Variants in ZNF236 observed in about 807,000 individuals in gnomAD.
The protein encoded by ZNF236 is zinc finger protein 236, also known as regulated by glucose.
Under a neutral mutation model 191.2 loss-of-function variants are expected in ZNF236, and 50 were observed. The observed-to-expected ratio is 0.26, with a 90% CI of 0.21 to 0.33. The LOEUF (loss-of-function observed/expected upper bound fraction) is 0.33, where lower values mean the gene tolerates loss of function less well. ZNF236 is among the 10% of genes least tolerant of loss of function. The pLI is 1.00. For synonymous variants in ZNF236, 907 were observed against 928.8 expected, an observed-to-expected ratio of 0.98 and a Z score of 0.43; for missense variants, 1,754 against 2,374.5, an observed-to-expected ratio of 0.74 and a Z score of 5.43.
Position 76,927,823 on chromosome 18 carries a change from T to G in ZNF236, c.4415-104T>G, listed in dbSNP as rs1048714461. ...TGCTTTGTTTTAAATCTTTGTCTTA[T>G]TGAAATATGTAATAACAGTTTAATT... On this transcript the variant is annotated intron_variant, in intron 24 of 30. Coordinates refer to ENST00000320610, the MANE Select transcript of ZNF236 (RefSeq NM_001306089.2). The surrounding 1 kb of genome is among the most constrained non-coding windows in gnomAD (Gnocchi z 5.4). The G allele has an allele frequency of 1.1e-6, 1 of 932,346 alleles. No individual in the cohort carries two copies. Among genetic ancestry groups the G allele is most frequent in the African/African-American group, 1.7e-5 (1 of 59,428 alleles). 57.8% of individuals were successfully genotyped at this position (932,346 alleles called of 1,614,324 possible).
At chr18:76,869,781 C>A (rs908228829) in intron 4 of ZNF236, among the ~76,000 whole-genome samples, 2 of 152,114 alleles carry the variant, frequency 1.3e-5, no homozygotes, top group Admixed American at 6.5e-5. Flanking sequence ...CATGGTGAAA[C>A]CCGGTCCCTA....
chr18:76,944,947 C>T (rs1968220696), intron 26 of ZNF236, among the ~76,000 whole-genome samples: 1 of 151,928 alleles, frequency 6.6e-6, no homozygotes, highest in South Asian at 2.1e-4. Context: ...ATACACTTAC[C>T]CAGTTTTGCC....
rs376134397 is a variant in ZNF236, at chr18:76,944,637, C to G, written c.4783-2884C>G. ...CTCTCCTAAAATTACAACAAATTAG[C>G]TGGGTGTGGTGGCATGTGCCTGTAA... is the stretch of plus-strand genomic sequence containing the variant. On this transcript the variant is annotated intron_variant, in intron 26 of 30. Coordinates refer to ENST00000320610, the MANE Select transcript of ZNF236 (RefSeq NM_001306089.2). Among the ~76,000 whole-genome samples, 643 of 152,136 alleles carry G rather than the reference C, an allele frequency of 4.2e-3. 6 individuals are homozygous for G. Among genetic ancestry groups the G allele is most frequent in the Middle Eastern group, 0.017 (5 of 294 alleles).
At chr18:76,824,179 T>G in intron 1 of ZNF236, 2 of 632,862 alleles carry the variant, frequency 3.2e-6, no homozygotes, top group South Asian at 1.8e-5. Flanking sequence ...CTACAAAGGA[T>G]TGTGTTAATT....
intron 3 of ZNF236, among the ~76,000 whole-genome samples, chr18:76,864,615 C>T (rs1976350420): frequency 6.6e-6 from 1 of 151,312 alleles, no homozygotes; most frequent in South Asian, 2.1e-4. Flanking sequence ...ATATAATACA[C>T]TGTTCTTCTC....
At chr18:76,933,436 G>A (rs1188936472) in intron 25 of ZNF236, among the ~76,000 whole-genome samples, 1 of 151,442 alleles carries the variant, frequency 6.6e-6, no homozygotes, top group Non-Finnish European at 1.5e-5. Context: ...TGCCACTCCA[G>A]CCTGGGTGAC....
chr18:76,856,060 C>G (rs1269485575), intron 3 of ZNF236, among the ~76,000 whole-genome samples: 1 of 152,010 alleles, frequency 6.6e-6, no homozygotes, highest in Non-Finnish European at 1.5e-5. Flanking sequence ...TTTTCTTTCT[C>G]TTTAAAAAAA....
chr18:76,848,780 C>T (rs1026493505), intron 1 of ZNF236, among the ~76,000 whole-genome samples: 4 of 152,130 alleles, frequency 2.6e-5, no homozygotes, highest in African/African-American at 9.7e-5. Flanking sequence ...ATCCTTCCAC[C>T]TCAGCCTCCC....
At chr18:76,829,626 C>T (rs1292159061) in intron 1 of ZNF236, among the ~76,000 whole-genome samples, 1 of 152,126 alleles carries the variant, frequency 6.6e-6, no homozygotes. Context: ...GGCACCCAGC[C>T]GGTTTATGAT....
Position 76,910,784 on chromosome 18 carries a change from G to C in ZNF236, c.2778G>C (p.Gln926His), listed in dbSNP as rs2122766387. ...STSFHQQSLL[Q>H]APSSDGMNVT... ...GCTTCCACCAGCAGAGCTTGCTGCA[G>C]GCTCCCAGCTCTGATGGGATGAATG... Residue 926 changes from glutamine (Q) to histidine (H), a missense_variant, in exon 16 of 31, where the codon CAG (glutamine) becomes CAC (histidine). Coordinates refer to ENST00000320610, the MANE Select transcript of ZNF236 (RefSeq NM_001306089.2). The C allele has an allele frequency of 6.2e-7, 1 of 1,614,156 alleles. No individual in the cohort carries two copies. Among genetic ancestry groups the C allele is most frequent in the Admixed American group, 1.7e-5 (1 of 60,022 alleles).
intron 14 of ZNF236, among the ~76,000 whole-genome samples, chr18:76,909,319 A>AG (rs1967152781): frequency 5.7e-3 from 2 of 348 alleles, no homozygotes; most frequent in Non-Finnish European, 0.017. Context: ...ACTCTGTCTC[A>AG]AAAAAAAAAA....
At chr18:76,856,074 T>C (rs1226555306) in intron 3 of ZNF236, among the ~76,000 whole-genome samples, 2 of 152,108 alleles carry the variant, frequency 1.3e-5, no homozygotes, top group African/African-American at 4.8e-5. Flanking sequence ...AAAAAAATTA[T>C]TACTTAAAAA....
At position 76,927,459 on chromosome 18, in the gene ZNF236, G is replaced by A. The variant is rs765450079; in HGVS notation, c.4356G>A (p.Ala1452=). ...GLSLQPTVTS[A]NLTIGPLSEQ... Reference sequence around the variant, plus strand: ...CCTTACAGCCCACAGTGACCTCTGCGAACCTGACCATAGGCCCGCTGTCTG... The same window carrying A: ...CCTTACAGCCCACAGTGACCTCTGCAAACCTGACCATAGGCCCGCTGTCTG... Residue 1452 remains alanine (A), a synonymous_variant, in exon 24 of 31, where the codon GCG becomes GCA. Coordinates refer to ENST00000320610, the MANE Select transcript of ZNF236 (RefSeq NM_001306089.2). This position sits in a 1 kb window ranked among gnomAD's most constrained non-coding sequence, Gnocchi z 5.4. The A allele has an allele frequency of 1.6e-5, 26 of 1,614,030 alleles. No individual in the cohort carries two copies. Among genetic ancestry groups the A allele is most frequent in the South Asian group, 9.9e-5 (9 of 91,078 alleles).
chr18:76,939,031 T>C (rs1968068186), intron 26 of ZNF236, among the ~76,000 whole-genome samples: 1 of 152,128 alleles, frequency 6.6e-6, no homozygotes, highest in Non-Finnish European at 1.5e-5. Flanking sequence ...TGTTTTAAAA[T>C]TGTAGTTGGA....
intron 10 of ZNF236, among the ~76,000 whole-genome samples, chr18:76,897,335 C>A (rs749402513): frequency 6.8e-6 from 1 of 147,860 alleles, no homozygotes; most frequent in Non-Finnish European, 1.5e-5. Context: ...ATCATGCATG[C>A]TACCAAACAC....
intron 26 of ZNF236, among the ~76,000 whole-genome samples, chr18:76,945,709 G>T (rs1006765222): frequency 6.6e-6 from 1 of 152,154 alleles, no homozygotes; most frequent in Admixed American, 6.5e-5. Context: ...ACTTGAACCC[G>T]GGAGGCAGAG....
chr18:76,899,820 G>A (rs987652519), intron 11 of ZNF236, among the ~76,000 whole-genome samples: 1 of 152,282 alleles, frequency 6.6e-6, no homozygotes, highest in South Asian at 2.1e-4. Flanking sequence ...GTTTGTTTGA[G>A]CTCCTGAATC....
chr18:76,944,032 C>G (rs1968201102), intron 26 of ZNF236, among the ~76,000 whole-genome samples: 1 of 152,196 alleles, frequency 6.6e-6, no homozygotes, highest in Non-Finnish European at 1.5e-5. Context: ...TGCCTTTCAT[C>G]AGTATCCAGC....
At chr18:76,948,353 C>T (rs1036204550) in intron 27 of ZNF236, among the ~76,000 whole-genome samples, 5 of 152,254 alleles carry the variant, frequency 3.3e-5, no homozygotes, top group East Asian at 3.9e-4. Context: ...TGAGATATAA[C>T]GAGCACTGGG....
Sources: allele counts gnomAD v4.1 joint callset (sites outside exome capture counted in the v4.1 genomes callset), GRCh38; gene constraint gnomAD v4.1.1; non-coding constraint Gnocchi (gnomAD v3.1); transcripts MANE v1.5; gene names NCBI Gene and HGNC (gene_info 2026-07-23, HGNC 2026-07-21).